Variants in ACSM6 observed in about 807,000 individuals in gnomAD.
ACSM6 encodes the protein acyl-CoA synthetase medium chain family member 6.
In ACSM6, 35 loss-of-function variants were observed where a neutral mutation model predicts 51.1. That is an observed-to-expected ratio of 0.69 (90% confidence interval 0.52 to 0.91). ACSM6 has a LOEUF of 0.91. Ranked by LOEUF, ACSM6 falls within the 40% of genes least tolerant of loss-of-function variation. ACSM6 has a pLI of 0.00. For synonymous variants in ACSM6, 172 were observed against 207.3 expected (o/e 0.83, Z 1.46); for missense variants, 509 against 584.1 (o/e 0.87, Z 1.32).
At chr10:95,207,523 G>T (rs2034852501) in intron 4 of ACSM6, 108 bp downstream of exon 4, 2 of 1,160,116 alleles carry the variant, frequency 1.7e-6, no homozygotes, top group Non-Finnish European at 2.5e-6. Flanking sequence ...AAGCTGAATG[G>T]CAATTTCTAT....
intron 8 of ACSM6, among the ~76,000 whole-genome samples, chr10:95,215,700 C>T (rs1416577051): frequency 6.6e-6 from 1 of 152,200 alleles, no homozygotes; most frequent in Admixed American, 6.5e-5. Flanking sequence ...TCTTAGTCTG[C>T]TCAGGCTGCT....
chr10:95,225,244 C>A, intron 9 of ACSM6, 46 bp from the exon 10 acceptor site: 1 of 1,327,370 alleles, frequency 7.5e-7, no homozygotes, highest in Non-Finnish European at 1.1e-6. Flanking sequence ...AGGAAGAGCA[C>A]AAGTGGTTTG....
chr10:95,201,881 C>G (rs1441912807), intron 2 of ACSM6, 104 bp from the exon 3 acceptor site: 8 of 930,492 alleles, frequency 8.6e-6, no homozygotes, highest in Non-Finnish European at 1.3e-5. Context: ...GCATCCTAGC[C>G]TCTCAAGATC....
At chr10:95,214,742 C>T (rs141110763) in intron 7 of ACSM6, 110 bp from the exon 8 acceptor site, 2 of 1,244,656 alleles carry the variant, frequency 1.6e-6, no homozygotes, top group East Asian at 5.1e-5. Flanking sequence ...ACTTAATGAG[C>T]ATTTCCTGTA....
Position 95,202,771 on chromosome 10 carries a change from C to A in ACSM6, c.403+576C>A, listed in dbSNP as rs187355302. Among the ~76,000 whole-genome samples the A allele has an allele frequency of 1.7e-3, 258 of 151,408 alleles. 2 individuals carry two copies. The highest frequency in any genetic ancestry group is 6.0e-3 in the African/African-American group (246 of 41,284). On this transcript the variant is annotated intron_variant, in intron 3 of 10. Coordinates refer to ENST00000341686, the Ensembl canonical transcript of ACSM6. ...AAACCCCAACTCCACTAAAAAAAAA[C>A]ACAAAGCAGAAAAAAAAAATTAGCT...
At chr10:95,214,669 T>G (rs752658023) in intron 7 of ACSM6, among the ~76,000 whole-genome samples, 183 bp from the exon 8 acceptor site, 1 of 152,216 alleles carries the variant, frequency 6.6e-6, no homozygotes, top group Non-Finnish European at 1.5e-5. Context: ...TTCATGGAGA[T>G]TGATCTAACT....
At chr10:95,214,027 TA>T (rs2133384844) in intron 7 of ACSM6, among the ~76,000 whole-genome samples, 1 of 152,346 alleles carries the variant, frequency 6.6e-6, no homozygotes, top group East Asian at 1.9e-4. Flanking sequence ...CTTAAACCCT[TA>T]AAAGCACTTA....
chr10:95,225,989 C>T (rs1353035115), intron 10 of ACSM6: 5 of 152,116 alleles, frequency 3.3e-5, no homozygotes, highest in African/African-American at 1.2e-4. Flanking sequence ...ATAATGAGAT[C>T]CAGGATAAAC....
chr10:95,213,291 G>A (rs1435698189), intron 7 of ACSM6, among the ~76,000 whole-genome samples: 1 of 152,050 alleles, frequency 6.6e-6, no homozygotes, highest in African/African-American at 2.4e-5. Context: ...AAAAAAAAAT[G>A]TGTAATTCAC....
At position 95,212,955 on chromosome 10, in the gene ACSM6, C is replaced by T. The variant is rs1266913964; in HGVS notation, c.995+15C>T. On this transcript the variant is annotated intron_variant, in intron 7 of 10. Transcript: ENST00000341686. The stretch of plus-strand genomic sequence containing the variant: ...TGTTTCACCAGGTAAGAGAGGATCC[C>T]TCAGGAGAGAGTCCATTTCCACTCA... 1 of 1,585,538 alleles carries T rather than the reference C, an allele frequency of 6.3e-7. No homozygotes were observed. Among genetic ancestry groups the T allele is most frequent in the South Asian group, 1.1e-5 (1 of 90,420 alleles).
In ACSM6 at chr10:95,212,735, C is replaced by T. The variant is rs1039593540; in HGVS notation, c.913-123C>T. ...TAAGTCTTTGAGATAAAAGGCATCC[C>T]CAAGCTGAGTTTCAAAGTCTGTGAC... On this transcript the variant is annotated intron_variant, in intron 6 of 10. Coordinates refer to ENST00000341686, the Ensembl canonical transcript of ACSM6. The T allele has an allele frequency of 1.3e-5, 9 of 715,022 alleles. No homozygotes were observed. The African/African-American group carries it at 1.4e-4, about 11-fold the overall frequency. The allele number at this position is 715,022 out of a possible 1,614,324, so 44.3% of individuals were successfully genotyped here.
At chr10:95,202,418 G>A (rs2034803363) in intron 3 of ACSM6, among the ~76,000 whole-genome samples, 1 of 152,032 alleles carries the variant, frequency 6.6e-6, no homozygotes, top group Admixed American at 6.6e-5. Context: ...ATTAAATATG[G>A]ACAGTAATAG....
intron 5 of ACSM6, among the ~76,000 whole-genome samples, chr10:95,211,227 T>C (rs1018460124): frequency 4.6e-5 from 7 of 152,230 alleles, no homozygotes; most frequent in African/African-American, 1.7e-4. Context: ...ACCACCCCTT[T>C]TTTAAGAAAA....
rs377040562 is a variant in ACSM6, at chr10:95,207,694, T to C, written c.611+279T>C. On this transcript the variant is annotated intron_variant, in intron 4 of 10. Transcript: ENST00000341686. Reference sequence around the variant, plus strand: ...AGTGAAAGTCTTATGTTCTGATTCATATGTAACCATTCGTTCTGAAAGGAT... The same window carrying C: ...AGTGAAAGTCTTATGTTCTGATTCACATGTAACCATTCGTTCTGAAAGGAT... Among the ~76,000 whole-genome samples the C allele has an allele frequency of 2.1e-4, 32 of 152,346 alleles. 1 individual carries two copies. In the East Asian group the frequency reaches 5.2e-3, roughly 25 times the overall value.
At chr10:95,201,355 T>C (rs563293986) in intron 2 of ACSM6, 2 of 396,270 alleles carry the variant, frequency 5.0e-6, no homozygotes, top group East Asian at 1.5e-4. Context: ...TCCATCTTTA[T>C]GTCCATATGT....
At chr10:95,215,098 G>C in intron 8 of ACSM6, 123 bp downstream of exon 8, 1 of 1,195,918 alleles carries the variant, frequency 8.4e-7, no homozygotes, top group South Asian at 1.6e-5. Flanking sequence ...CACAGGAAGA[G>C]GAAATGGCTT....
intron 2 of ACSM6, among the ~76,000 whole-genome samples, chr10:95,197,778 T>G (rs530897694): frequency 1.8e-4 from 27 of 152,278 alleles, no homozygotes; most frequent in East Asian, 7.7e-4. Context: ...CCTTTACGGG[T>G]GTCGGGCTGG....
At chr10:95,225,627 C>A (rs1287487033) in intron 10 of ACSM6, 1 of 395,938 alleles carries the variant, frequency 2.5e-6, no homozygotes, top group African/African-American at 2.1e-5. Context: ...GGAGTAAATG[C>A]AGACATTATG....
chr10:95,215,352 G>A (rs956025018), intron 8 of ACSM6, among the ~76,000 whole-genome samples: 2 of 152,174 alleles, frequency 1.3e-5, no homozygotes, highest in Non-Finnish European at 2.9e-5. Context: ...TGAAAATAAA[G>A]GAGAAATGGG....
Sources: allele counts gnomAD v4.1 joint callset (sites outside exome capture counted in the v4.1 genomes callset), GRCh38; gene constraint gnomAD v4.1.1; transcripts MANE v1.5; gene names NCBI Gene and HGNC (gene_info 2026-07-23, HGNC 2026-07-21).